Variants in LTBP1 observed in about 807,000 individuals in gnomAD.
LTBP1 encodes the protein latent-transforming growth factor beta-binding protein 1.
A neutral mutation model predicts 207.6 loss-of-function variants in LTBP1; 129 were observed. The ratio of observed to expected loss-of-function variants is 0.62; its 90% CI spans 0.54 to 0.72. The LOEUF (loss-of-function observed/expected upper bound fraction) is 0.72. Ranked by LOEUF, LTBP1 falls within the 30% of genes least tolerant of loss-of-function variation. The pLI, the probability that LTBP1 is intolerant of heterozygous loss-of-function variation, is 0.00. For missense variants in LTBP1, 2,281 were observed against 2,217.2 expected (o/e 1.03, Z -0.58); for synonymous variants, 963 against 833.7 (o/e 1.16, Z -2.67).
At chr2:33,214,969 C>CGTAG (rs1293342213) in intron 7 of LTBP1, among the ~76,000 whole-genome samples, 6 of 151,634 alleles carry the variant, frequency 4.0e-5, no homozygotes, top group Non-Finnish European at 8.8e-5. Flanking sequence ...CATTTTGTCT[C>CGTAG]GTAGGGTCGT....
intron 5 of LTBP1, among the ~76,000 whole-genome samples, chr2:33,142,941 G>A (rs1277538602): frequency 6.6e-6 from 1 of 152,152 alleles, no homozygotes; most frequent in African/African-American, 2.4e-5. Flanking sequence ...TTGAGCATAC[G>A]GAGTGATCTT....
chr2:33,300,568 G>T lies in LTBP1; in HGVS notation c.3353G>T (p.Cys1118Phe). Reference sequence around the variant, plus strand: ...CAGCTGTCGGCAGCTAAAGACCAGTGTGAAGGTAAGAGGGTAGTAACATGA... The same window carrying T: ...CAGCTGTCGGCAGCTAAAGACCAGTTTGAAGGTAAGAGGGTAGTAACATGA... ...GYQLSAAKDQ[C>F]EDIDECQHRH... The change falls in exon 21 of 34, where the codon TGT becomes TTT. Residue 1118 changes from cysteine to phenylalanine, a missense_variant. This residue lies in a region of LTBP1 where 1,671 missense variants were observed against 1,634.8 expected (regional missense o/e 1.02). Transcript: ENST00000404816. 6.2e-7 allele frequency: 1 copy of T among 1,612,942 alleles called. No individual in the cohort carries two copies. Among genetic ancestry groups the T allele is most frequent in the East Asian group, 2.2e-5 (1 of 44,820 alleles).
chr2:33,198,445 A>G (rs532564239), intron 7 of LTBP1, among the ~76,000 whole-genome samples: 21 of 152,098 alleles, frequency 1.4e-4, no homozygotes, highest in African/African-American at 3.4e-4. Flanking sequence ...CTCTTTTTCT[A>G]TTGACTGGAA....
At chr2:33,029,073 C>G (rs2149299415) in intron 3 of LTBP1, among the ~76,000 whole-genome samples, 1 of 152,306 alleles carries the variant, frequency 6.6e-6, no homozygotes, top group South Asian at 2.1e-4. Flanking sequence ...ACTTAGAGAT[C>G]ATACAGTTCT....
Position 33,149,244 on chromosome 2 carries a change from A to C in LTBP1, c.1201+14284A>C, listed in dbSNP as rs868421588. 7.6e-3 allele frequency among the ~76,000 whole-genome samples: 1,062 copies of C among 140,540 alleles called. 13 individuals carry two copies. The highest frequency in any genetic ancestry group is 0.012 in the Admixed American group (168 of 14,136). 92.2% of individuals were successfully genotyped at this position (140,540 alleles called of 152,430 possible). A position where few individuals can be genotyped will look rare whatever the true frequency, so the allele number is the denominator to read the frequency against. ...ACAAAAAAACAAAAAAAAAAAAAAAAAAAAAAAAAAAGAGAGGGAGCTCCC... is the reference window on the plus strand; with the variant it reads ...ACAAAAAAACAAAAAAAAAAAAAAACAAAAAAAAAAAGAGAGGGAGCTCCC... On this transcript the variant is annotated intron_variant, in intron 5 of 33. Transcript: ENST00000404816.
chr2:33,079,720 C>T (rs1274169324), intron 3 of LTBP1, among the ~76,000 whole-genome samples: 1 of 152,172 alleles, frequency 6.6e-6, no homozygotes, highest in East Asian at 1.9e-4. Context: ...ACAAGGCTGT[C>T]CTGGACTGAT....
At chr2:33,276,662 C>G (rs943334761) in intron 18 of LTBP1, among the ~76,000 whole-genome samples, 10 of 152,062 alleles carry the variant, frequency 6.6e-5, no homozygotes, top group Non-Finnish European at 8.8e-5. Context: ...ACCAGCCTGG[C>G]CAACATGCTG....
At chr2:33,388,227 G>T (rs982867915) in intron 31 of LTBP1, among the ~76,000 whole-genome samples, 1 of 152,170 alleles carries the variant, frequency 6.6e-6, no homozygotes, top group Non-Finnish European at 1.5e-5. Context: ...GTAAAGGGGA[G>T]TCTAGGAGTC....
At chr2:33,282,608 A>C (rs2093582398) in intron 19 of LTBP1, among the ~76,000 whole-genome samples, 1 of 152,166 alleles carries the variant, frequency 6.6e-6, no homozygotes, top group African/African-American at 2.4e-5. Flanking sequence ...CTAGCTTTGT[A>C]CTTCTGGTAC....
intron 4 of LTBP1, among the ~76,000 whole-genome samples, chr2:33,130,762 T>A (rs1416585555): frequency 6.6e-6 from 1 of 152,142 alleles, no homozygotes; most frequent in South Asian, 2.1e-4. Context: ...CTTGACTGAC[T>A]AGGAGGCCCA....
Position 33,262,766 on chromosome 2 carries a change from T to A in LTBP1, c.2463T>A (p.Gly821=). The change falls in exon 14 of 34, where the codon GGT becomes GGA. Residue 821 remains glycine, a synonymous_variant. Transcript: ENST00000404816. ...AAGAGAAAACCAAACTTGAGCCTGG[T>A]CAACCCCAGCTGTCTCCAGGCATTT... ...LDQEKTKLEP[G]QPQLSPGIST... is the part of the protein sequence containing the mutation. 1 of 1,606,540 alleles carries A rather than the reference T, an allele frequency of 6.2e-7. No individual in the cohort carries two copies. Among genetic ancestry groups the A allele is most frequent in the Non-Finnish European group, 8.5e-7 (1 of 1,175,398 alleles).
At chr2:33,212,534 A>G (rs1281133805) in intron 7 of LTBP1, among the ~76,000 whole-genome samples, 2 of 152,186 alleles carry the variant, frequency 1.3e-5, no homozygotes, top group African/African-American at 4.8e-5. Context: ...AGAACCTTAG[A>G]CCTTGCAGAA....
At chr2:32,959,621 A>ATATATATTTTTTTTTT (rs1475834284) in intron 2 of LTBP1, among the ~76,000 whole-genome samples, 5 of 36,668 alleles carry the variant, frequency 1.4e-4, no homozygotes, top group Admixed American at 1.1e-3. Context: ...ATATATATAT[A>ATATATATTTTTTTTTT]TTTTTTTTTT....
chr2:33,017,909 G>A (rs1038357045), intron 2 of LTBP1, among the ~76,000 whole-genome samples: 4 of 152,256 alleles, frequency 2.6e-5, no homozygotes, highest in African/African-American at 7.2e-5. Flanking sequence ...GTCAGATGAC[G>A]GGCTTCTCTT....
At position 33,298,590 on chromosome 2, in the gene LTBP1, G is replaced by A. The variant is rs77178068; in HGVS notation, c.3236-1861G>A. On this transcript the variant is annotated intron_variant, in intron 20 of 33. Transcript: ENST00000404816. Reference sequence around the variant, plus strand: ...ATAGAATGTGCTAAAAGAAAATAGTGACGTAGGCTGATCTTTGCTGGCAAC... The same window carrying A: ...ATAGAATGTGCTAAAAGAAAATAGTAACGTAGGCTGATCTTTGCTGGCAAC... 9.8e-3 allele frequency among the ~76,000 whole-genome samples: 1,488 copies of A among 152,330 alleles called. 32 individuals are homozygous for A. Among genetic ancestry groups the A allele is most frequent in the African/African-American group, 0.034 (1,413 of 41,582 alleles).
chr2:33,021,283 C>T lies in LTBP1; in HGVS notation c.863+77C>T. 5 of 1,333,372 alleles carry T rather than the reference C, an allele frequency of 3.7e-6. No individual in the cohort carries two copies. The East Asian group carries it at 9.4e-5, about 25-fold the overall frequency. The allele number at this position is 1,333,372 out of a possible 1,614,324, so 82.6% of individuals were successfully genotyped here. A position where few individuals can be genotyped will look rare whatever the true frequency, so the allele number is the denominator to read the frequency against. ...GGATGCCTTGCTTTAAATCACTGTC[C>T]CTTTCCTGCACAATTTGCAGAAATC... On this transcript the variant is annotated intron_variant, in intron 3 of 33. Transcript: ENST00000404816.
At position 33,200,821 on chromosome 2, in the gene LTBP1, T is replaced by C. The variant is rs181093722; in HGVS notation, c.1701+11970T>C. Among the ~76,000 whole-genome samples the C allele has an allele frequency of 9.5e-3, 1,441 of 152,252 alleles. 25 individuals are homozygous for C. Among genetic ancestry groups the C allele is most frequent in the African/African-American group, 0.033 (1,372 of 41,544 alleles). On this transcript the variant is annotated intron_variant, in intron 7 of 33. Coordinates refer to ENST00000404816, the MANE Select transcript of LTBP1 (RefSeq NM_206943.4). ...CCCATCAAAAAGTGGGCGAAGGATA[T>C]GAACAGACACTTCTCAAAAGAAGAC...
chr2:33,060,554 G>A (rs532895007), intron 3 of LTBP1, among the ~76,000 whole-genome samples: 25 of 150,832 alleles, frequency 1.7e-4, no homozygotes, highest in Non-Finnish European at 3.4e-4. Context: ...GTTTGGGGGG[G>A]ATGTGTGTGT....
intron 9 of LTBP1, among the ~76,000 whole-genome samples, chr2:33,231,321 A>G (rs954298189): frequency 6.6e-6 from 1 of 152,252 alleles, no homozygotes; most frequent in Non-Finnish European, 1.5e-5. Context: ...TTGAGGCACA[A>G]GAATACTCAT....
Sources: gnomAD v4.1 joint callset for allele counts (sites outside exome capture counted in the v4.1 genomes callset) on GRCh38, gnomAD v4.1.1 for gene constraint, gnomAD v4.1.1 regional missense constraint, MANE v1.5 for transcripts, NCBI Gene and HGNC (gene_info 2026-07-23, HGNC 2026-07-21) for gene names.